Variants in PBX1 observed in about 807,000 individuals in gnomAD.
PBX1 encodes pre-B-cell leukemia transcription factor 1.
PBX1 carries 6 observed loss-of-function variants against 53.4 expected under a neutral mutation model. That is an observed-to-expected ratio of 0.11 (90% confidence interval 0.06 to 0.22). The LOEUF (loss-of-function observed/expected upper bound fraction) is 0.22. Ranked by LOEUF, PBX1 falls within the 10% of genes least tolerant of loss-of-function variation. PBX1 has a pLI of 1.00. For missense variants in PBX1, 251 were observed against 551.4 expected (o/e 0.46, Z 5.46); for synonymous variants, 204 against 212.3 (o/e 0.96, Z 0.34).
rs373984185 is a variant in PBX1 at position 164,574,748 on chromosome 1, G to A, written c.265+11437G>A. ...TATAATCCCAGCACTTTGGGAGGCCGAGATGGGCGGATCACCTGAGGTCAG... is the reference window on the plus strand; with the variant it reads ...TATAATCCCAGCACTTTGGGAGGCCAAGATGGGCGGATCACCTGAGGTCAG... On this transcript the variant is annotated intron_variant, in intron 2 of 8. Coordinates refer to ENST00000420696, the MANE Select transcript of PBX1 (RefSeq NM_002585.4). Among the ~76,000 whole-genome samples the A allele has an allele frequency of 5.9e-4, 90 of 152,258 alleles. 2 individuals are homozygous for A. The East Asian group carries it at 0.017, about 29-fold the overall frequency.
intron 2 of PBX1, chr1:164,639,625 C>A (rs565465452): frequency 6.6e-6 from 1 of 152,208 alleles, no homozygotes; most frequent in Admixed American, 6.5e-5. Flanking sequence ...TTGGTGTGGC[C>A]CCTAGGCAAG....
chr1:164,616,718 C>A (rs1657304796), intron 2 of PBX1, among the ~76,000 whole-genome samples: 1 of 152,192 alleles, frequency 6.6e-6, no homozygotes, highest in African/African-American at 2.4e-5. Flanking sequence ...ATGCTAACTT[C>A]AGAGGGAGCT....
At chr1:164,694,300 C>G (rs1662678583) in intron 2 of PBX1, among the ~76,000 whole-genome samples, 1 of 152,132 alleles carries the variant, frequency 6.6e-6, no homozygotes, top group Non-Finnish European at 1.5e-5. Flanking sequence ...ATGTTGCCTC[C>G]TCAGCCCATC....
At chr1:164,702,056 G>A (rs1223150662) in intron 2 of PBX1, among the ~76,000 whole-genome samples, 1 of 152,122 alleles carries the variant, frequency 6.6e-6, no homozygotes, top group Non-Finnish European at 1.5e-5. Flanking sequence ...AACTTTTAAG[G>A]TGCACATGAG....
chr1:164,801,819 T>A (rs1669091385), intron 4 of PBX1, among the ~76,000 whole-genome samples: 1 of 152,244 alleles, frequency 6.6e-6, no homozygotes, highest in Non-Finnish European at 1.5e-5. Flanking sequence ...GTATATTTAT[T>A]ACCAGTGAAA....
chr1:164,709,672 G>T (rs1663640914), intron 2 of PBX1, among the ~76,000 whole-genome samples: 1 of 152,030 alleles, frequency 6.6e-6, no homozygotes, highest in African/African-American at 2.4e-5. Flanking sequence ...ATATTTTGTT[G>T]GGAAAGTGGA....
chr1:164,605,100 TG>T (rs1243057545), intron 2 of PBX1: 1 of 152,044 alleles, frequency 6.6e-6, no homozygotes, highest in Non-Finnish European at 1.5e-5. Context: ...AATGCTGTGA[TG>T]GGGATACTGA....
At chr1:164,755,767 T>C (rs1364578070) in intron 2 of PBX1, among the ~76,000 whole-genome samples, 1 of 152,044 alleles carries the variant, frequency 6.6e-6, no homozygotes, top group African/African-American at 2.4e-5. Flanking sequence ...AGAGCATACC[T>C]GCAGTCCTTT....
At chr1:164,616,988 C>T (rs1657321831) in intron 2 of PBX1, among the ~76,000 whole-genome samples, 1 of 152,188 alleles carries the variant, frequency 6.6e-6, no homozygotes, top group Non-Finnish European at 1.5e-5. Context: ...ACCTGGAGTC[C>T]AGATCCAGAG....
intron 2 of PBX1, among the ~76,000 whole-genome samples, chr1:164,776,981 A>AGGGGG (rs1667702117): frequency 2.0e-4 from 3 of 15,042 alleles, no homozygotes; most frequent in Middle Eastern, 0.026. Flanking sequence ...GAGAGAGAGG[A>AGGGGG]GGTGTGGGGG....
chr1:164,784,920 C>T (rs187885300), intron 2 of PBX1, among the ~76,000 whole-genome samples: 42 of 152,316 alleles, frequency 2.8e-4, no homozygotes, highest in African/African-American at 9.4e-4. Context: ...GGCTTAAAAA[C>T]AATAATATCT....
intron 3 of PBX1, among the ~76,000 whole-genome samples, chr1:164,797,633 C>T (rs1034896706): frequency 6.6e-6 from 1 of 152,058 alleles, no homozygotes; most frequent in Non-Finnish European, 1.5e-5. Flanking sequence ...TATTTATTAC[C>T]ACCTTTACTT....
At chr1:164,629,026 C>T (rs887898163) in intron 2 of PBX1, among the ~76,000 whole-genome samples, 1 of 152,116 alleles carries the variant, frequency 6.6e-6, no homozygotes, top group Admixed American at 6.5e-5. Context: ...TTCTTGAAGT[C>T]AGTGCTTGTT....
intron 8 of PBX1, among the ~76,000 whole-genome samples, chr1:164,824,141 C>T (rs376833943): frequency 1.3e-5 from 2 of 152,146 alleles, no homozygotes; most frequent in Non-Finnish European, 2.9e-5. Flanking sequence ...CGGTGGAGGA[C>T]ATTTTCTGGG....
At chr1:164,798,254 C>T (rs1668886573) in intron 3 of PBX1, among the ~76,000 whole-genome samples, 1 of 152,122 alleles carries the variant, frequency 6.6e-6, no homozygotes, top group South Asian at 2.1e-4. Context: ...ATTGCGTTGT[C>T]GACACATATG....
At chr1:164,809,901 A>T (rs1196819312) in intron 5 of PBX1, among the ~76,000 whole-genome samples, 1 of 152,214 alleles carries the variant, frequency 6.6e-6, no homozygotes, top group Non-Finnish European at 1.5e-5. Context: ...TTAGAAATAT[A>T]AATTCTTGAG....
At chr1:164,816,001 T>C (rs1669864550) in intron 6 of PBX1, 1 of 152,210 alleles carries the variant, frequency 6.6e-6, no homozygotes, top group Non-Finnish European at 1.5e-5. Context: ...TACAGAGAAG[T>C]TGACTAAAAC....
intron 2 of PBX1, among the ~76,000 whole-genome samples, chr1:164,580,194 G>C (rs2101737642): frequency 6.6e-6 from 1 of 152,292 alleles, no homozygotes; most frequent in South Asian, 2.1e-4. Flanking sequence ...TGCAAAACAA[G>C]TAAAGAGGAT....
chr1:164,756,796 A>G (rs1323114448), intron 2 of PBX1, among the ~76,000 whole-genome samples: 1 of 152,264 alleles, frequency 6.6e-6, no homozygotes. Flanking sequence ...GCTTTATCAT[A>G]ATGTTTGAAT....
Sources: allele counts gnomAD v4.1 joint callset (sites outside exome capture counted in the v4.1 genomes callset), GRCh38; gene constraint gnomAD v4.1.1; transcripts MANE v1.5; gene names NCBI Gene and HGNC (gene_info 2026-07-23, HGNC 2026-07-21).